Variants in ZNF827 observed in about 807,000 individuals in gnomAD.
ZNF827 encodes the protein zinc finger protein 827.
Under a neutral mutation model 102.4 loss-of-function variants are expected in ZNF827, and 13 were observed. That is an observed-to-expected ratio of 0.13 (90% CI 0.08 to 0.20). ZNF827 has a LOEUF of 0.20. Ranked by LOEUF, ZNF827 falls within the 10% of genes least tolerant of loss-of-function variation. The pLI is 1.00. For synonymous variants in ZNF827, 523 were observed against 536.2 expected, an observed-to-expected ratio of 0.98 and a Z score of 0.34; for missense variants, 1,103 against 1,344.4, an observed-to-expected ratio of 0.82 and a Z score of 2.81.
In ZNF827 at chr4:145,845,959, G is replaced by A; in HGVS notation, c.2276C>T (p.Thr759Ile). ...GAACCCACACAAAGTCGCCTACCTG[G>A]TCGTGGTCCGGATGGTGTTTTCTTT... ...HTKENTIRTTTSPFFSEDTFR... is the reference protein window; with the variant it reads ...HTKENTIRTTISPFFSEDTFR... The change falls in exon 7 of 15, where the codon ACC becomes ATC. Residue 759 changes from threonine to isoleucine, a missense_variant. Thr to Ile is a moderately conservative substitution (Grantham distance 89). Transcript: ENST00000508784. 1 of 1,614,208 alleles carries A rather than the reference G, an allele frequency of 6.2e-7. No individual in the cohort carries two copies. The highest frequency in any genetic ancestry group is 8.5e-7 in the Non-Finnish European group (1 of 1,180,034).
At chr4:145,801,626 C>T (rs1740912403) in intron 8 of ZNF827, among the ~76,000 whole-genome samples, 1 of 152,134 alleles carries the variant, frequency 6.6e-6, no homozygotes, top group South Asian at 2.1e-4. Context: ...TTTCAAATCA[C>T]TACACTCATC....
At chr4:145,887,156 G>C (rs997144079) in intron 3 of ZNF827, among the ~76,000 whole-genome samples, 1 of 151,548 alleles carries the variant, frequency 6.6e-6, no homozygotes, top group African/African-American at 2.4e-5. Flanking sequence ...GGGGAGCTGT[G>C]TGATCTGAAC....
At chr4:145,926,186 T>C (rs756749205) in intron 1 of ZNF827, among the ~76,000 whole-genome samples, 94 of 152,334 alleles carry the variant, frequency 6.2e-4, no homozygotes, top group Non-Finnish European at 1.2e-3. Flanking sequence ...AATGAATGAA[T>C]GAACAAATGA....
chr4:145,885,655 A>G (rs371394564), intron 4 of ZNF827, 23 bp downstream of exon 4: 1 of 1,448,694 alleles, frequency 6.9e-7, no homozygotes, highest in East Asian at 2.4e-5. Flanking sequence ...AGAGAGAGAG[A>G]GAATACAACC....
intron 8 of ZNF827, among the ~76,000 whole-genome samples, chr4:145,811,084 T>C (rs1168631066): frequency 1.3e-5 from 2 of 151,294 alleles, no homozygotes; most frequent in African/African-American, 2.4e-5. Flanking sequence ...CTCCGCCTCC[T>C]GGGTTCAAGT....
intron 11 of ZNF827, among the ~76,000 whole-genome samples, chr4:145,766,703 C>G (rs1735356378): frequency 3.3e-5 from 5 of 152,192 alleles, no homozygotes; most frequent in Admixed American, 2.6e-4. Flanking sequence ...AAGAGACTAC[C>G]CATAGTTGGA....
chr4:145,885,621 A>T (rs1750044990), intron 4 of ZNF827, 57 bp downstream of exon 4: 1 of 1,144,846 alleles, frequency 8.7e-7, no homozygotes, highest in African/African-American at 1.8e-5. Context: ...AGAGAGAGAG[A>T]GAGAGAGAGA....
At chr4:145,814,919 C>T (rs971450694) in intron 8 of ZNF827, among the ~76,000 whole-genome samples, 16 of 152,058 alleles carry the variant, frequency 1.1e-4, no homozygotes, top group Non-Finnish European at 2.1e-4. Flanking sequence ...CCAGCCTGGG[C>T]GACAGAGCAA....
chr4:145,836,350 C>T (rs1011364692), intron 7 of ZNF827, among the ~76,000 whole-genome samples: 7 of 152,176 alleles, frequency 4.6e-5, no homozygotes, highest in African/African-American at 1.7e-4. Flanking sequence ...TCTGGCCAAA[C>T]AACTTGACCT....
At chr4:145,785,289 T>C (rs1738687638) in intron 8 of ZNF827, among the ~76,000 whole-genome samples, 1 of 152,154 alleles carries the variant, frequency 6.6e-6, no homozygotes, top group Non-Finnish European at 1.5e-5. Context: ...TCTTATAACC[T>C]AGTTATTCAA....
chr4:145,850,354 C>G (rs1746412671), intron 5 of ZNF827, among the ~76,000 whole-genome samples: 1 of 152,252 alleles, frequency 6.6e-6, no homozygotes, highest in African/African-American at 2.4e-5. Flanking sequence ...TTTCTCTCTT[C>G]TAGGGCACAT....
chr4:145,770,196 G>A (rs1045250464), intron 11 of ZNF827, among the ~76,000 whole-genome samples: 2 of 152,076 alleles, frequency 1.3e-5, no homozygotes, highest in Admixed American at 6.6e-5. Flanking sequence ...CTACTCAGGG[G>A]GCTGAGACAC....
At chr4:145,932,710 G>A (rs1256640077) in intron 1 of ZNF827, among the ~76,000 whole-genome samples, 4 of 152,100 alleles carry the variant, frequency 2.6e-5, no homozygotes, top group Non-Finnish European at 5.9e-5. Flanking sequence ...TCCTGACCTC[G>A]TGATCCACCC....
At chr4:145,795,995 G>A (rs1740341777) in intron 8 of ZNF827, among the ~76,000 whole-genome samples, 1 of 152,310 alleles carries the variant, frequency 6.6e-6, no homozygotes, top group South Asian at 2.1e-4. Flanking sequence ...TCTACAGTGA[G>A]ATAGAATGGC....
chr4:145,878,690 A>AGGAAGGGAGGAAGGGAGAGAGG (rs1749395349), intron 4 of ZNF827, among the ~76,000 whole-genome samples: 1 of 149,488 alleles, frequency 6.7e-6, no homozygotes, highest in Non-Finnish European at 1.5e-5. Context: ...AGGGAGAGAG[A>AGGAAGGGAGGAAGGGAGAGAGG]GGAAGGGAGG....
intron 8 of ZNF827, among the ~76,000 whole-genome samples, chr4:145,785,913 C>T (rs919890988): frequency 4.6e-5 from 7 of 152,292 alleles, no homozygotes; most frequent in Admixed American, 4.6e-4. Flanking sequence ...TTCTCCATTT[C>T]TGTTATTAAA....
At chr4:145,767,924 G>C (rs369205481) in intron 11 of ZNF827, among the ~76,000 whole-genome samples, 5 of 152,224 alleles carry the variant, frequency 3.3e-5, no homozygotes, top group African/African-American at 1.2e-4. Context: ...GAAGAGGCTG[G>C]AAATAATAAA....
At chr4:145,809,983 C>A (rs559746372) in intron 8 of ZNF827, among the ~76,000 whole-genome samples, 2 of 152,298 alleles carry the variant, frequency 1.3e-5, no homozygotes, top group African/African-American at 2.4e-5. Context: ...TTTGTCTGTG[C>A]AGCAGGCAGG....
intron 7 of ZNF827, among the ~76,000 whole-genome samples, chr4:145,840,246 C>T (rs935570639): frequency 2.6e-5 from 4 of 152,168 alleles, no homozygotes; most frequent in Admixed American, 2.0e-4. Flanking sequence ...CTCTCAAGTC[C>T]GCATGTGTGT....
Sources: allele counts gnomAD v4.1 joint callset (sites outside exome capture counted in the v4.1 genomes callset), GRCh38; gene constraint gnomAD v4.1.1; transcripts MANE v1.5; gene names NCBI Gene and HGNC (gene_info 2026-07-23, HGNC 2026-07-21).